PHACTR3: variants seen among roughly 807,000 people sequenced by gnomAD.
The protein encoded by PHACTR3 is phosphatase and actin regulator 3.
Under a neutral mutation model 66.8 loss-of-function variants are expected in PHACTR3, and 16 were observed. The ratio of observed to expected loss-of-function variants is 0.24; its 90% CI spans 0.16 to 0.36. The LOEUF (loss-of-function observed/expected upper bound fraction) is 0.36. Among genes scored for constraint, PHACTR3 ranks in the 10% least tolerant of loss-of-function variants. The pLI is 1.00. For missense variants in PHACTR3, 647 were observed against 719.9 expected (o/e 0.90, Z 1.16); for synonymous variants, 323 against 292.1 (o/e 1.11, Z -1.08).
intron 1 of PHACTR3, among the ~76,000 whole-genome samples, chr20:59,667,709 G>A (rs923369431): frequency 2.0e-5 from 3 of 152,206 alleles, no homozygotes; most frequent in Non-Finnish European, 2.9e-5. Flanking sequence ...ACCAGAGCGG[G>A]TGGAAATACA....
intron 1 of PHACTR3, among the ~76,000 whole-genome samples, chr20:59,677,166 T>C (rs2036477227): frequency 6.6e-6 from 1 of 152,218 alleles, no homozygotes; most frequent in African/African-American, 2.4e-5. Context: ...AAATAATAGA[T>C]TGTCATTGAT....
At chr20:59,756,676 C>CT (rs143052000) in intron 4 of PHACTR3, among the ~76,000 whole-genome samples, 194 of 147,028 alleles carry the variant, frequency 1.3e-3, no homozygotes, top group East Asian at 6.4e-3. Flanking sequence ...TGGCGTGGTT[C>CT]TTTTTTTTTT....
At chr20:59,774,211 G>C in intron 6 of PHACTR3, 32 bp from the exon 7 acceptor site, 1 of 1,531,074 alleles carries the variant, frequency 6.5e-7, no homozygotes, top group Non-Finnish European at 8.8e-7. Context: ...TGAAGGGGGT[G>C]ACCTATAACC....
intron 7 of PHACTR3, among the ~76,000 whole-genome samples, chr20:59,787,728 T>C (rs2040960825): frequency 6.6e-6 from 1 of 152,122 alleles, no homozygotes; most frequent in Non-Finnish European, 1.5e-5. Flanking sequence ...GGGCTAGAGC[T>C]CAGGCTTTCA....
chr20:59,674,831 GTTTCTGCC>G (rs1312750521), intron 1 of PHACTR3, among the ~76,000 whole-genome samples: 1 of 43,108 alleles, frequency 2.3e-5, no homozygotes, highest in African/African-American at 1.6e-4. Flanking sequence ...CACTTCTCCT[GTTTCTGCC>G]TTCTCCTGCC....
rs562730319 is a variant in PHACTR3 at position 59,608,233 on chromosome 20, A to T, written c.118+3101A>T. 2.0e-5 allele frequency among the ~76,000 whole-genome samples: 3 copies of T among 152,118 alleles called. No individual in the cohort carries two copies. The South Asian group carries it at 6.2e-4, about 32-fold the overall frequency. ...GCCTTATTAGTTCATTAAATCTCCC[A>T]TGGCCGGGTCTGTGGCCATGGACTG... is the stretch of plus-strand genomic sequence containing the variant. On this transcript the variant is annotated intron_variant, in intron 1 of 12. Coordinates refer to ENST00000371015, the MANE Select transcript of PHACTR3 (RefSeq NM_080672.5).
At chr20:59,767,467 C>T in intron 5 of PHACTR3, 72 bp downstream of exon 5, 1 of 1,446,078 alleles carries the variant, frequency 6.9e-7, no homozygotes, top group African/African-American at 1.4e-5. Flanking sequence ...CTACATTCAT[C>T]CACCCATCCA....
chr20:59,828,479 C>T (rs2042255995), intron 8 of PHACTR3, among the ~76,000 whole-genome samples: 1 of 152,148 alleles, frequency 6.6e-6, no homozygotes, highest in African/African-American at 2.4e-5. Flanking sequence ...CCTTTTTCCT[C>T]CTTTATATTG....
At chr20:59,586,220 T>G (rs2033023706) in intron 1 of PHACTR3, among the ~76,000 whole-genome samples, 5 of 152,202 alleles carry the variant, frequency 3.3e-5, no homozygotes, top group Admixed American at 3.3e-4. Flanking sequence ...CATTTGGACC[T>G]AAGTTCATTG....
intron 1 of PHACTR3, among the ~76,000 whole-genome samples, chr20:59,594,727 T>C (rs2146316990): frequency 6.6e-6 from 1 of 152,342 alleles, no homozygotes; most frequent in South Asian, 2.1e-4. Flanking sequence ...TTGATGTTTT[T>C]CAAAGTACCA....
At chr20:59,718,995 A>T (rs555966083) in intron 1 of PHACTR3, among the ~76,000 whole-genome samples, 1 of 152,376 alleles carries the variant, frequency 6.6e-6, no homozygotes, top group African/African-American at 2.4e-5. Context: ...ATCAGATCTT[A>T]TGAAAATTTA....
At chr20:59,791,601 T>C (rs2146957646) in intron 7 of PHACTR3, among the ~76,000 whole-genome samples, 1 of 152,096 alleles carries the variant, frequency 6.6e-6, no homozygotes, top group African/African-American at 2.4e-5. Flanking sequence ...TTTCTTTTTT[T>C]TTTTTTAACT....
intron 8 of PHACTR3, among the ~76,000 whole-genome samples, chr20:59,826,501 A>C (rs1292251840): frequency 6.6e-6 from 1 of 151,418 alleles, no homozygotes; most frequent in Non-Finnish European, 1.5e-5. Context: ...CCAGCCTTAC[A>C]CCTGGCATTA....
At chr20:59,834,981 G>T (rs1336329911) in intron 8 of PHACTR3, among the ~76,000 whole-genome samples, 5 of 152,206 alleles carry the variant, frequency 3.3e-5, no homozygotes, top group Admixed American at 3.3e-4. Context: ...TTATGAATTT[G>T]TGTTGGGCCT....
chr20:59,706,725 T>A, intron 1 of PHACTR3, among the ~76,000 whole-genome samples: 1 of 152,192 alleles, frequency 6.6e-6, no homozygotes, highest in East Asian at 1.9e-4. Context: ...ACACACATGG[T>A]CACACACATA....
At chr20:59,831,345 T>A (rs2042369187) in intron 8 of PHACTR3, among the ~76,000 whole-genome samples, 1 of 152,156 alleles carries the variant, frequency 6.6e-6, no homozygotes, top group African/African-American at 2.4e-5. Flanking sequence ...CCACCTCTCG[T>A]GTGTGCACAA....
At chr20:59,721,848 A>ATTTATGACCACACTG (rs1359211120) in intron 1 of PHACTR3, among the ~76,000 whole-genome samples, 2 of 151,278 alleles carry the variant, frequency 1.3e-5, no homozygotes, top group Non-Finnish European at 1.5e-5. Flanking sequence ...CAAACAGACA[A>ATTTATGACCACACTG]AGTCCCCGTT....
At chr20:59,802,852 G>T (rs997250344) in intron 7 of PHACTR3, among the ~76,000 whole-genome samples, 3 of 152,214 alleles carry the variant, frequency 2.0e-5, no homozygotes, top group African/African-American at 7.2e-5. Context: ...ACAATGCATG[G>T]ATGTTTATTG....
intron 1 of PHACTR3, among the ~76,000 whole-genome samples, chr20:59,658,063 T>C (rs1601023766): frequency 6.6e-6 from 1 of 152,258 alleles, no homozygotes. Flanking sequence ...TGATTCTTTT[T>C]TCTACCAATT....
Sources: allele counts gnomAD v4.1 joint callset (sites outside exome capture counted in the v4.1 genomes callset), GRCh38; gene constraint gnomAD v4.1.1; transcripts MANE v1.5; gene names NCBI Gene and HGNC (gene_info 2026-07-23, HGNC 2026-07-21).